Variants in COL9A1 observed in about 807,000 individuals in gnomAD.
COL9A1 encodes the protein collagen type IX alpha 1 chain, also known as collagen alpha-1(IX) chain.
A neutral mutation model predicts 142.6 loss-of-function variants in COL9A1; 104 were observed. The observed-to-expected ratio is 0.73, with a 90% CI of 0.62 to 0.86. COL9A1 has a LOEUF of 0.86. Ranked by LOEUF, COL9A1 falls within the 40% of genes least tolerant of loss-of-function variation. The pLI is 0.00. For missense variants in COL9A1, 1,210 were observed against 1,176.6 expected (o/e 1.03, Z -0.42); for synonymous variants, 466 against 396.0 (o/e 1.18, Z -2.10).
At chr6:70,259,169 T>C (rs1198233921) in intron 20 of COL9A1, among the ~76,000 whole-genome samples, 2 of 152,052 alleles carry the variant, frequency 1.3e-5, no homozygotes, top group African/African-American at 4.8e-5. Context: ...AAATGATAAA[T>C]AAGCTTCATC....
At chr6:70,222,665 G>A (rs1054854183) in intron 37 of COL9A1, 5 of 151,998 alleles carry the variant, frequency 3.3e-5, no homozygotes, top group African/African-American at 9.7e-5. Flanking sequence ...TCTAACAACC[G>A]ATAGAAAATG....
In COL9A1 at chr6:70,243,540, T is replaced by C. The variant is rs1770403374; in HGVS notation, c.1873-825A>G. Among the ~76,000 whole-genome samples, 2 of 152,206 alleles carry C rather than the reference T, an allele frequency of 1.3e-5. 1 individual carries two copies. Among genetic ancestry groups the C allele is most frequent in the South Asian group, 4.1e-4 (2 of 4,826 alleles). On this transcript the variant is annotated intron_variant, in intron 28 of 37. Transcript: ENST00000357250. ...AAGTTCATTTTATTTCCTAATTTTT[T>C]TTTTTGAGACGGAGTCTTTCTCTGT...
chr6:70,218,388 G>A (rs189729053), intron 37 of COL9A1, among the ~76,000 whole-genome samples: 2 of 152,144 alleles, frequency 1.3e-5, no homozygotes, highest in South Asian at 2.1e-4. Context: ...CCCTCAATGG[G>A]GCACACTCTC....
chr6:70,290,722 A>C (rs1486330107), intron 5 of COL9A1, among the ~76,000 whole-genome samples: 3 of 152,098 alleles, frequency 2.0e-5, no homozygotes, highest in Non-Finnish European at 4.4e-5. Context: ...ACATCTGATA[A>C]TCCCTTTAGA....
At chr6:70,290,327 G>A (rs541062706) in intron 5 of COL9A1, among the ~76,000 whole-genome samples, 1 of 152,252 alleles carries the variant, frequency 6.6e-6, no homozygotes, top group Non-Finnish European at 1.5e-5. Context: ...ACCAAGCTTT[G>A]CAGTGGGATA....
intron 36 of COL9A1, 128 bp from the exon 37 acceptor site, chr6:70,226,137 A>G (rs1769212469): frequency 7.7e-6 from 6 of 781,876 alleles, no homozygotes; most frequent in Non-Finnish European, 1.3e-5. Flanking sequence ...ACTAGATTGT[A>G]GTGAGTATGT....
chr6:70,282,484 C>A (rs919710590), intron 7 of COL9A1, among the ~76,000 whole-genome samples: 1 of 143,034 alleles, frequency 7.0e-6, no homozygotes, highest in African/African-American at 2.5e-5. Flanking sequence ...AGTGCAGCTA[C>A]GGCGGGCTGG....
intron 28 of COL9A1, among the ~76,000 whole-genome samples, chr6:70,245,377 T>C (rs1275147285): frequency 1.3e-5 from 2 of 152,202 alleles, no homozygotes; most frequent in Non-Finnish European, 2.9e-5. Flanking sequence ...CTGCTGAAGG[T>C]CATCGCCAAG....
In COL9A1 at chr6:70,241,242, T is replaced by C. The variant is rs73749919; in HGVS notation, c.2034+177A>G. On this transcript the variant is annotated intron_variant, in intron 31 of 37. Coordinates refer to ENST00000357250, the MANE Select transcript of COL9A1 (RefSeq NM_001851.6). Reference sequence around the variant, plus strand: ...CATCTTTAGCTCCAGCTTGTTAAAATAGTAAACAATGCTGCGGACCAAACT... The same window carrying C: ...CATCTTTAGCTCCAGCTTGTTAAAACAGTAAACAATGCTGCGGACCAAACT... Among the ~76,000 whole-genome samples the C allele has an allele frequency of 0.098, 14,850 of 152,174 alleles. 986 individuals are homozygous for C. The highest frequency in any genetic ancestry group is 0.18 in the African/African-American group (7,637 of 41,472).
At chr6:70,255,118 A>T in intron 23 of COL9A1, 32 bp downstream of exon 23, 2 of 1,614,080 alleles carry the variant, frequency 1.2e-6, no homozygotes, top group South Asian at 1.1e-5. Flanking sequence ...ATCACTGAAA[A>T]ATGTGCTTGA....
In COL9A1 at chr6:70,283,727, G is replaced by T. The variant is rs1394863504; in HGVS notation, c.780+10C>A. 1 of 1,607,242 alleles carries T rather than the reference G, an allele frequency of 6.2e-7. No homozygotes were observed. The highest frequency in any genetic ancestry group is 2.2e-5 in the East Asian group (1 of 44,788). Reference sequence around the variant, plus strand: ...TAGAAGTGGCCTTTGCAGGTAGTCAGGGGACTCACCGTTATTCTGGCTGGC... The same window carrying T: ...TAGAAGTGGCCTTTGCAGGTAGTCATGGGACTCACCGTTATTCTGGCTGGC... On this transcript the variant is annotated intron_variant, in intron 6 of 37. Coordinates refer to ENST00000357250, the MANE Select transcript of COL9A1 (RefSeq NM_001851.6).
intron 6 of COL9A1, among the ~76,000 whole-genome samples, 172 bp downstream of exon 6, chr6:70,283,565 T>C (rs1375754273): frequency 6.6e-6 from 1 of 152,100 alleles, no homozygotes; most frequent in Non-Finnish European, 1.5e-5. Context: ...AGGTCGAAAG[T>C]ATGAAGTGTA....
Position 70,263,273 on chromosome 6 carries a change from G to T in COL9A1, c.1366C>A (p.Leu456Ile). The T allele has an allele frequency of 6.2e-7, 1 of 1,609,158 alleles. No homozygotes were observed. Residue 456 changes from leucine to isoleucine, a missense_variant, in exon 19 of 38, where the codon CTC (leucine) becomes ATC (isoleucine). By Grantham distance (5) the Leu-to-Ile change is conservative (BLOSUM62 2). Transcript: ENST00000357250. ...HKGEEGDQGE[L>I]GEVGAQGPPG... ...GGTCCTTGAGCTCCAACTTCTCCGA[G>T]TTCTCCCTGGTCACCTTCTTCACCC...
At chr6:70,279,698 G>GTATAGA (rs888617880) in intron 10 of COL9A1, 5 of 224,916 alleles carry the variant, frequency 2.2e-5, no homozygotes, top group African/African-American at 1.3e-4. Context: ...ACGCTAAATA[G>GTATAGA]TATAGACACA....
Position 70,275,150 on chromosome 6 carries a change from C to T in COL9A1, c.976-378G>A, listed in dbSNP as rs577390635. ...GCCATTTACTCAGGTTTATTTACCT[C>T]CTTTACTTCATTTATGAAACAAAAA... On this transcript the variant is annotated intron_variant, in intron 10 of 37. Transcript: ENST00000357250. The T allele has an allele frequency of 5.1e-5, 12 of 236,972 alleles. No homozygotes were observed. The South Asian group carries it at 7.2e-4, about 14-fold the overall frequency. 14.7% of individuals were successfully genotyped at this position (236,972 alleles called of 1,614,324 possible). A position where few individuals can be genotyped will look rare whatever the true frequency, so the allele number is the denominator to read the frequency against.
At chr6:70,263,189 GA>G (rs1195340859) in intron 19 of COL9A1, 54 bp downstream of exon 19, 25 of 1,342,768 alleles carry the variant, frequency 1.9e-5, no homozygotes, top group Admixed American at 1.2e-4. Flanking sequence ...CAACAGTCAT[GA>G]AAAAAAAGAA....
At position 70,257,784 on chromosome 6, in the gene COL9A1, A is replaced by G. The variant is rs2138654; in HGVS notation, c.1450-963T>C. On this transcript the variant is annotated intron_variant, in intron 20 of 37. Coordinates refer to ENST00000357250, the MANE Select transcript of COL9A1 (RefSeq NM_001851.6). ...AAAAAATTTATTAACGATGAAGGCC[A>G]TGGAGCCACTCTAAGAACAGCTGCT... Among the ~76,000 whole-genome samples the G allele has an allele frequency of 3.0e-3, 451 of 152,250 alleles. 4 individuals carry two copies. The highest frequency in any genetic ancestry group is 9.1e-3 in the African/African-American group (379 of 41,556).
In COL9A1 at chr6:70,229,267, AC is replaced by A. The variant is rs555535342; in HGVS notation, c.2504-3259del. On this transcript the variant is annotated intron_variant, in intron 36 of 37. Transcript: ENST00000357250. Reference sequence around the variant, plus strand: ...CGACAAGGTTAATCTATTACTTCAAACCCTGATCATGTCTTATTTTGAGATG... The same window carrying A: ...CGACAAGGTTAATCTATTACTTCAAACCTGATCATGTCTTATTTTGAGATG... Among the ~76,000 whole-genome samples, 128 of 152,250 alleles carry A rather than the reference AC, an allele frequency of 8.4e-4. 1 individual carries two copies. Among genetic ancestry groups the A allele is most frequent in the African/African-American group, 2.7e-3 (111 of 41,570 alleles).
chr6:70,283,161 A>C, intron 6 of COL9A1: 2 of 1,510,424 alleles, frequency 1.3e-6, no homozygotes, highest in East Asian at 2.5e-5. Context: ...CAGAAAAAGC[A>C]CCCCCGGGAG....
Sources: allele counts gnomAD v4.1 joint callset (sites outside exome capture counted in the v4.1 genomes callset), GRCh38; gene constraint gnomAD v4.1.1; transcripts MANE v1.5; gene names NCBI Gene and HGNC (gene_info 2026-07-23, HGNC 2026-07-21).